ZDHHC11: variants seen among roughly 807,000 people sequenced by gnomAD.
The protein encoded by ZDHHC11 is zDHHC palmitoyltransferase 11, also known as palmitoyltransferase ZDHHC11.
ZDHHC11 carries 44 observed loss-of-function variants against 51.3 expected under a neutral mutation model. That is an observed-to-expected ratio of 0.86 (90% CI 0.67 to 1.10). The LOEUF is 1.10. Among genes scored for constraint, ZDHHC11 ranks in the 50% least tolerant of loss-of-function variants. The pLI is 0.00. For missense variants in ZDHHC11, 400 were observed against 537.7 expected, an observed-to-expected ratio of 0.74 and a Z score of 2.53; for synonymous variants, 163 against 222.0, an observed-to-expected ratio of 0.73 and a Z score of 2.36.
intron 1 of ZDHHC11, among the ~76,000 whole-genome samples, chr5:850,063 C>T (rs1183265071): frequency 6.6e-6 from 1 of 152,226 alleles, no homozygotes; most frequent in Non-Finnish European, 1.5e-5. Context: ...TGGCCATGTG[C>T]AAAATGCTGC....
In ZDHHC11 at chr5:816,939, A is replaced by T. The variant is rs1052764296; in HGVS notation, c.1147-2144T>A. 4.2e-5 allele frequency: 15 copies of T among 356,012 alleles called. 1 individual carries two copies. Among genetic ancestry groups the T allele is most frequent in the African/African-American group, 1.5e-4 (7 of 47,158 alleles). 22.1% of individuals were successfully genotyped at this position (356,012 alleles called of 1,614,324 possible). ...GACCCCAGTGGGAGACTGGTCATGG[A>T]TGCATGAGCCTGAAATGTCCAGGCT... On this transcript the variant is annotated intron_variant, in intron 10 of 12. Coordinates refer to ENST00000283441, the MANE Select transcript of ZDHHC11 (RefSeq NM_024786.3).
At chr5:796,870 C>A (rs1737655400) in intron 12 of ZDHHC11, among the ~76,000 whole-genome samples, 1 of 152,210 alleles carries the variant, frequency 6.6e-6, no homozygotes, top group Non-Finnish European at 1.5e-5. Context: ...GGAAATACAT[C>A]CTTTTGAAAG....
At chr5:804,649 A>C (rs1049861985) in intron 11 of ZDHHC11, among the ~76,000 whole-genome samples, 2 of 151,270 alleles carry the variant, frequency 1.3e-5, no homozygotes, top group African/African-American at 4.9e-5. Flanking sequence ...TAAAATTATC[A>C]GGTGATTTCT....
In ZDHHC11 at chr5:795,613, G is replaced by C. The variant is rs1277122789; in HGVS notation, c.*975C>G. ...ACACAAAAACAGCCCAATGCACGTA[G>C]TAACTTATAGATATATTTGGAAAAC... On this transcript the variant is annotated 3_prime_UTR_variant, in exon 13 of 13. Coordinates refer to ENST00000283441, the MANE Select transcript of ZDHHC11 (RefSeq NM_024786.3). 1 of 152,272 alleles carries C rather than the reference G, an allele frequency of 6.6e-6. No individual in the cohort carries two copies. The highest frequency in any genetic ancestry group is 2.4e-5 in the African/African-American group (1 of 41,216). 9.4% of individuals were successfully genotyped at this position (152,272 alleles called of 1,614,324 possible).
intron 4 of ZDHHC11, chr5:843,309 G>C (rs192917049): frequency 1.8e-6 from 1 of 559,070 alleles, no homozygotes; most frequent in Non-Finnish European, 3.0e-6. Flanking sequence ...GGATGACTGC[G>C]GAGGGCAGGG....
intron 3 of ZDHHC11, among the ~76,000 whole-genome samples, chr5:844,200 C>CA (rs1745714368): frequency 6.6e-6 from 1 of 152,256 alleles, no homozygotes; most frequent in African/African-American, 2.4e-5. Context: ...CGTCCTGTGA[C>CA]GCCCCCCCAG....
At chr5:855,327 C>T (rs1377302121), upstream of ZDHHC11, among the ~76,000 whole-genome samples, 16 of 147,326 alleles carry the variant, frequency 1.1e-4, no homozygotes, top group African/African-American at 4.1e-4. Flanking sequence ...GCACAGACCC[C>T]ACAGAGGACA....
intron 12 of ZDHHC11, among the ~76,000 whole-genome samples, chr5:799,997 G>C (rs1437987624): frequency 4.0e-5 from 6 of 151,236 alleles, no homozygotes; most frequent in Non-Finnish European, 8.9e-5. Flanking sequence ...AATTTTCACA[G>C]GTTTGCTGTC....
At position 850,315 on chromosome 5, in the gene ZDHHC11, C is replaced by G. The variant is rs150929694; in HGVS notation, c.222+66G>C. On this transcript the variant is annotated intron_variant, in intron 1 of 12. Transcript: ENST00000283441. Reference sequence around the variant, plus strand: ...GGCAGCCATGGCCCAGACCCCACAGCCAGGTCCATCGCAAGTTCCTCCAGG... The same window carrying G: ...GGCAGCCATGGCCCAGACCCCACAGGCAGGTCCATCGCAAGTTCCTCCAGG... 1.5e-3 allele frequency: 2,350 copies of G among 1,542,516 alleles called. 2 individuals carry two copies. The highest frequency in any genetic ancestry group is 1.9e-3 in the Non-Finnish European group (2,213 of 1,136,516).
At chr5:842,988 G>GAT (rs1453230017) in intron 4 of ZDHHC11, among the ~76,000 whole-genome samples, 2 of 152,264 alleles carry the variant, frequency 1.3e-5, no homozygotes, top group African/African-American at 4.8e-5. Flanking sequence ...TCCCACCTCA[G>GAT]ATATTAAGTC....
At chr5:814,898 T>C (rs747116942) in intron 10 of ZDHHC11, 103 bp from the exon 11 acceptor site, 55 of 1,182,630 alleles carry the variant, frequency 4.7e-5, no homozygotes, top group South Asian at 1.3e-4. Flanking sequence ...TTCTGAGTAA[T>C]GGTACTTCAA....
At chr5:816,502 T>C in intron 10 of ZDHHC11, 1 of 511,016 alleles carries the variant, frequency 2.0e-6, no homozygotes, top group Admixed American at 2.3e-5. Context: ...GTGGGATGGA[T>C]CAGCTGTGAA....
At chr5:810,538 G>A (rs541487074) in intron 11 of ZDHHC11, among the ~76,000 whole-genome samples, 7 of 151,174 alleles carry the variant, frequency 4.6e-5, no homozygotes, top group East Asian at 3.9e-4. Context: ...GACTTTCCCC[G>A]TGTGGCAAAG....
chr5:846,801 G>C (rs1746274292), intron 3 of ZDHHC11, among the ~76,000 whole-genome samples: 1 of 141,492 alleles, frequency 7.1e-6, no homozygotes, highest in African/African-American at 2.8e-5. Flanking sequence ...CCTCCACCGT[G>C]CTCAGGGGAA....
rs547047978 is a variant in ZDHHC11 at position 816,386 on chromosome 5, G to T, written c.1147-1591C>A. ...GCACGGGCGGGAGGGGGGCGGTAGC[G>T]CAGGCGGTGGTGGGGTTGGCGGGGG... is the stretch of plus-strand genomic sequence containing the variant. On this transcript the variant is annotated intron_variant, in intron 10 of 12. Coordinates refer to ENST00000283441, the MANE Select transcript of ZDHHC11 (RefSeq NM_024786.3). 5 of 401,848 alleles carry T rather than the reference G, an allele frequency of 1.2e-5. No individual in the cohort carries two copies. The East Asian group carries it at 3.1e-4, about 25-fold the overall frequency. 24.9% of individuals were successfully genotyped at this position (401,848 alleles called of 1,614,324 possible).
chr5:850,943 G>C lies in ZDHHC11; in HGVS notation c.-341C>G. On this transcript the variant is annotated 5_prime_UTR_variant, in exon 1 of 13. Coordinates refer to ENST00000283441, the MANE Select transcript of ZDHHC11 (RefSeq NM_024786.3). Reference sequence around the variant, plus strand: ...GAGGATTTGTTACGTTCTGGGGAGTGCTCGACAGCCCCCACACAGCGACAG... The same window carrying C: ...GAGGATTTGTTACGTTCTGGGGAGTCCTCGACAGCCCCCACACAGCGACAG... 2.5e-6 allele frequency: 1 copy of C among 392,792 alleles called. No homozygotes were observed. Among genetic ancestry groups the C allele is most frequent in the South Asian group, 3.9e-5 (1 of 25,884 alleles). 24.3% of individuals were successfully genotyped at this position (392,792 alleles called of 1,614,324 possible).
intron 7 of ZDHHC11, among the ~76,000 whole-genome samples, chr5:832,766 C>CAA (rs1184443485): frequency 7.2e-6 from 1 of 139,694 alleles, no homozygotes; most frequent in Non-Finnish European, 1.6e-5. Context: ...AATTCCATCT[C>CAA]AAAAAATAAA....
chr5:823,841 A>T (rs1741892111), intron 8 of ZDHHC11: 1 of 347,076 alleles, frequency 2.9e-6, no homozygotes, highest in Non-Finnish European at 5.8e-6. Flanking sequence ...GGACAAACAC[A>T]GGCAGAGAAA....
intron 12 of ZDHHC11, among the ~76,000 whole-genome samples, chr5:800,702 A>C (rs2150278271): frequency 6.6e-6 from 1 of 151,560 alleles, no homozygotes; most frequent in South Asian, 2.1e-4. Flanking sequence ...GTTTAAGCAG[A>C]AAGCAGGGAT....
Sources: allele counts gnomAD v4.1 joint callset (sites outside exome capture counted in the v4.1 genomes callset), GRCh38; gene constraint gnomAD v4.1.1; transcripts MANE v1.5; gene names NCBI Gene and HGNC (gene_info 2026-07-23, HGNC 2026-07-21).